Variants in EML6 observed in about 807,000 individuals in gnomAD.
The protein encoded by EML6 is echinoderm microtubule-associated protein-like 6.
Under a neutral mutation model 240.1 loss-of-function variants are expected in EML6, and 154 were observed. That is an observed-to-expected ratio of 0.64 (90% confidence interval 0.56 to 0.73). The LOEUF (loss-of-function observed/expected upper bound fraction) is 0.73, where lower values mean the gene tolerates loss of function less well. Ranked by LOEUF, EML6 falls within the 30% of genes least tolerant of loss-of-function variation. The pLI, the probability that EML6 is intolerant of heterozygous loss-of-function variation, is 0.00. For synonymous variants in EML6, 1,148 were observed against 899.0 expected (o/e 1.28, Z -4.95); for missense variants, 2,964 against 2,474.6 (o/e 1.20, Z -4.20).
At chr2:54,794,782 T>G (rs1669664831) in intron 2 of EML6, among the ~76,000 whole-genome samples, 1 of 152,212 alleles carries the variant, frequency 6.6e-6, no homozygotes, top group Non-Finnish European at 1.5e-5. Flanking sequence ...ACATTACGCT[T>G]ACGTGACAAG....
At chr2:54,940,700 C>A (rs868086765) in intron 28 of EML6, among the ~76,000 whole-genome samples, 1 of 152,242 alleles carries the variant, frequency 6.6e-6, no homozygotes, top group African/African-American at 2.4e-5. Context: ...ACCTTCACTT[C>A]ATTAGCAACT....
chr2:54,870,000 T>C (rs1425164413), intron 15 of EML6, among the ~76,000 whole-genome samples: 1 of 152,154 alleles, frequency 6.6e-6, no homozygotes, highest in Non-Finnish European at 1.5e-5. Flanking sequence ...AGAGTAATAT[T>C]GTCAAAAGTA....
chr2:54,749,114 G>A (rs922132167), intron 2 of EML6, among the ~76,000 whole-genome samples: 1 of 152,162 alleles, frequency 6.6e-6, no homozygotes, highest in African/African-American at 2.4e-5. Flanking sequence ...TGTACCAATG[G>A]ACATGTAGGA....
chr2:54,961,185 T>TTGTTTTTTTTTTTTTGTTTGTTTTTG (rs1491471475), intron 35 of EML6, among the ~76,000 whole-genome samples: 2 of 62,388 alleles, frequency 3.2e-5, no homozygotes, highest in Non-Finnish European at 6.2e-5. Context: ...CAGGAAGTAG[T>TTGTTTTTTTTTTTTTGTTTGTTTTTG]TTTTTTTTTT....
At chr2:54,796,681 A>T (rs1269268503) in intron 2 of EML6, among the ~76,000 whole-genome samples, 8 of 152,138 alleles carry the variant, frequency 5.3e-5, no homozygotes, top group Non-Finnish European at 2.9e-5. Context: ...AGAAACAGGG[A>T]TTTAAGCATA....
At chr2:54,855,458 G>GCCCCCCC (rs11297060) in intron 11 of EML6, among the ~76,000 whole-genome samples, 7 of 124,102 alleles carry the variant, frequency 5.6e-5, no homozygotes, top group South Asian at 2.7e-4. Flanking sequence ...CTTCTACCAT[G>GCCCCCCC]CCCCCCCCCC....
rs1676379119 is a variant in EML6, at chr2:54,959,201, T to C, written c.4793T>C (p.Val1598Ala). The change falls in exon 34 of 42, where the codon GTG (valine) becomes GCG (alanine). Residue 1598 changes from valine (V) to alanine (A), a missense_variant. Transcript: ENST00000356458. ...GTGGCCAAGGCTCACACAGGCCCCG[T>C]GTTCACAATGTACACAACCCTTCGG... ...RLVAKAHTGP[V>A]FTMYTTLRDG... 12 of 1,551,542 alleles carry C rather than the reference T, an allele frequency of 7.7e-6. No individual in the cohort carries two copies. Among genetic ancestry groups the C allele is most frequent in the African/African-American group, 1.4e-5 (1 of 73,052 alleles).
intron 2 of EML6, among the ~76,000 whole-genome samples, chr2:54,779,785 C>T (rs533146695): frequency 2.1e-3 from 299 of 144,688 alleles, no homozygotes; most frequent in African/African-American, 7.2e-3. Context: ...TGGCTTGAGC[C>T]TAGGAGGTGA....
chr2:54,963,443 T>C (rs1481115291), intron 36 of EML6, among the ~76,000 whole-genome samples: 1 of 152,242 alleles, frequency 6.6e-6, no homozygotes, highest in Non-Finnish European at 1.5e-5. Flanking sequence ...GCAAAACCCT[T>C]ATTAACATCG....
chr2:54,900,752 G>A (rs1436025794), intron 22 of EML6, among the ~76,000 whole-genome samples: 1 of 152,166 alleles, frequency 6.6e-6, no homozygotes, highest in East Asian at 1.9e-4. Context: ...GCCCATTGAT[G>A]CTCTCCATGC....
intron 17 of EML6, chr2:54,882,322 A>G (rs1176364038): frequency 6.9e-6 from 1 of 144,220 alleles, no homozygotes; most frequent in African/African-American, 2.6e-5. Context: ...AGTCTAGTAT[A>G]CAAGTATCCC....
In EML6 at chr2:54,832,291, A is replaced by G. The variant is rs539918175; in HGVS notation, c.847+2814A>G. Among the ~76,000 whole-genome samples the G allele has an allele frequency of 7.9e-5, 12 of 152,302 alleles. No homozygotes were observed. The South Asian group carries it at 2.3e-3, about 29-fold the overall frequency. ...GGAAACTTGCTCTGAATCCCTCTCT[A>G]AGGTGCTCTGTTGCGCTCAGCCAGG... On this transcript the variant is annotated intron_variant, in intron 7 of 41. Transcript: ENST00000356458.
At chr2:54,803,162 C>T (rs568553994) in intron 2 of EML6, among the ~76,000 whole-genome samples, 2 of 152,258 alleles carry the variant, frequency 1.3e-5, no homozygotes, top group South Asian at 4.1e-4. Context: ...TTGTTCTTAA[C>T]CACAAGAGCA....
At chr2:54,937,550 CT>C (rs776747975) in intron 28 of EML6, among the ~76,000 whole-genome samples, 7 of 44,550 alleles carry the variant, frequency 1.6e-4, no homozygotes, top group Non-Finnish European at 1.9e-4. Flanking sequence ...AAGACTCTGT[CT>C]TTAAAAAAAA....
At chr2:54,749,919 A>G (rs1441735087) in intron 2 of EML6, among the ~76,000 whole-genome samples, 1 of 152,174 alleles carries the variant, frequency 6.6e-6, no homozygotes, top group Non-Finnish European at 1.5e-5. Flanking sequence ...CCATCACGGT[A>G]TGTCCATTTG....
intron 24 of EML6, among the ~76,000 whole-genome samples, chr2:54,906,875 C>T (rs1201573488): frequency 6.6e-6 from 1 of 152,154 alleles, no homozygotes; most frequent in African/African-American, 2.4e-5. Flanking sequence ...CAGAGTCTGG[C>T]AAGGTTGAGA....
At chr2:54,877,827 G>A (rs989668263) in intron 16 of EML6, among the ~76,000 whole-genome samples, 2 of 152,186 alleles carry the variant, frequency 1.3e-5, no homozygotes, top group Non-Finnish European at 2.9e-5. Flanking sequence ...CTCATACTTC[G>A]TAGTGATGGA....
At chr2:54,787,046 A>T (rs1216689280) in intron 2 of EML6, among the ~76,000 whole-genome samples, 2 of 152,076 alleles carry the variant, frequency 1.3e-5, no homozygotes, top group East Asian at 1.9e-4. Context: ...GTTCTTTTTG[A>T]AAGATGAGTG....
At chr2:54,794,966 C>T (rs1350026981) in intron 2 of EML6, among the ~76,000 whole-genome samples, 1 of 152,182 alleles carries the variant, frequency 6.6e-6, no homozygotes, top group East Asian at 1.9e-4. Flanking sequence ...ACTGACCACA[C>T]TAGGTCCCAC....
Sources: gnomAD v4.1 joint callset for allele counts (sites outside exome capture counted in the v4.1 genomes callset) on GRCh38, gnomAD v4.1.1 for gene constraint, MANE v1.5 for transcripts, NCBI Gene and HGNC (gene_info 2026-07-23, HGNC 2026-07-21) for gene names.